The following SERINC1 variants were observed in gnomAD, a reference collection of about 807,000 sequenced individuals.
SERINC1 encodes the protein tumor differentially expressed protein 2.
In SERINC1, 38 loss-of-function variants were observed where a neutral mutation model predicts 52.9. That is an observed-to-expected ratio of 0.72 (90% CI 0.55 to 0.94). The LOEUF (loss-of-function observed/expected upper bound fraction) is 0.94, where lower values mean the gene tolerates loss of function less well. Ranked by LOEUF, SERINC1 falls within the 40% of genes least tolerant of loss-of-function variation. The pLI, the probability that SERINC1 is intolerant of heterozygous loss-of-function variation, is 0.00. For synonymous variants in SERINC1, 198 were observed against 183.1 expected (o/e 1.08, Z -0.66); for missense variants, 471 against 533.9 (o/e 0.88, Z 1.16).
chr6:122,464,891 T>C (rs2114489716), intron 1 of SERINC1, among the ~76,000 whole-genome samples: 1 of 152,294 alleles, frequency 6.6e-6, no homozygotes, highest in African/African-American at 2.4e-5. Flanking sequence ...CCCCAGTCAA[T>C]GTTTCTAGGG....
At chr6:122,464,094 C>G (rs182263908) in intron 1 of SERINC1, among the ~76,000 whole-genome samples, 11 of 152,184 alleles carry the variant, frequency 7.2e-5, no homozygotes, top group East Asian at 5.8e-4. Context: ...TAATATGACA[C>G]TCTAGAAAGG....
At chr6:122,446,688 A>C (rs751668178) in intron 9 of SERINC1, 86 bp downstream of exon 9, 1 of 824,914 alleles carries the variant, frequency 1.2e-6, no homozygotes, top group Non-Finnish European at 2.0e-6. Context: ...GATAAAAAGT[A>C]CTTCATATCA....
chr6:122,452,088 T>C, intron 5 of SERINC1, 31 bp from the exon 6 acceptor site: 1 of 1,358,696 alleles, frequency 7.4e-7, no homozygotes, highest in South Asian at 1.9e-5. Context: ...GATAATTAGC[T>C]TTTTATCAGA....
intron 7 of SERINC1, among the ~76,000 whole-genome samples, chr6:122,447,494 A>AT (rs753922331): frequency 2.6e-5 from 4 of 152,196 alleles, no homozygotes; most frequent in Non-Finnish European, 5.9e-5. Flanking sequence ...AAATCATTTA[A>AT]TTTTCAACAA....
At chr6:122,456,743 G>C in intron 2 of SERINC1, 93 bp from the exon 3 acceptor site, 1 of 926,566 alleles carries the variant, frequency 1.1e-6, no homozygotes, top group Non-Finnish European at 1.6e-6. Context: ...TAAAGGTTTA[G>C]AAAACTGGCA....
chr6:122,445,553 C>T (rs938075262), intron 9 of SERINC1, among the ~76,000 whole-genome samples: 4 of 148,300 alleles, frequency 2.7e-5, no homozygotes, highest in African/African-American at 9.9e-5. Context: ...GATTTCCACT[C>T]CCCCAACCCC....
At chr6:122,454,982 C>T (rs1041414839) in intron 3 of SERINC1, among the ~76,000 whole-genome samples, 3 of 152,180 alleles carry the variant, frequency 2.0e-5, no homozygotes, top group Non-Finnish European at 4.4e-5. Context: ...ATAAGATTTA[C>T]TGACTTCACA....
chr6:122,462,670 C>T (rs1775124746), intron 1 of SERINC1, among the ~76,000 whole-genome samples: 1 of 152,120 alleles, frequency 6.6e-6, no homozygotes, highest in South Asian at 2.1e-4. Flanking sequence ...AGAACTAACT[C>T]ATCGGTTTAA....
At chr6:122,451,776 A>AAAAAAAATTATATATATATATATATAT in intron 6 of SERINC1, 22 bp from the exon 7 acceptor site, 1 of 95,480 alleles carries the variant, frequency 1.0e-5, no homozygotes, top group African/African-American at 7.7e-5. Flanking sequence ...AAAAAAAAAA[A>AAAAAAAATTATATATATATATATATAT]ATATATATAT....
At chr6:122,469,380 GTTT>G (rs11300483) in intron 1 of SERINC1, among the ~76,000 whole-genome samples, 1 of 139,106 alleles carries the variant, frequency 7.2e-6, no homozygotes. Flanking sequence ...TTTTGTTTTT[GTTT>G]TTTTTTTTTT....
rs1582631499 is a variant in SERINC1 at position 122,451,773 on chromosome 6, A to AT, written c.760-20_760-19insA. Reference sequence around the variant, plus strand: ...GTGATTCCTACAAAAAAAAAAAAAAAAAAATATATATATATATATATAGCA... The same window carrying AT: ...GTGATTCCTACAAAAAAAAAAAAAAATAAAATATATATATATATATATAGCA... On this transcript the variant is annotated intron_variant, in intron 6 of 9. Transcript: ENST00000339697. The AT allele has an allele frequency of 5.8e-4, 175 of 299,186 alleles. No individual in the cohort carries two copies. Among genetic ancestry groups the AT allele is most frequent in the East Asian group, 5.2e-3 (44 of 8,382 alleles). 18.5% of individuals were successfully genotyped at this position (299,186 alleles called of 1,614,324 possible). A position where few individuals can be genotyped will look rare whatever the true frequency, so the allele number is the denominator to read the frequency against.
chr6:122,466,161 T>C (rs1413356681), intron 1 of SERINC1, among the ~76,000 whole-genome samples: 2 of 152,094 alleles, frequency 1.3e-5, no homozygotes, highest in South Asian at 2.1e-4. Flanking sequence ...GGAGGCGGAA[T>C]TGCTCGAACT....
chr6:122,454,004 A>G, intron 4 of SERINC1, 97 bp from the exon 5 acceptor site: 1 of 1,377,100 alleles, frequency 7.3e-7, no homozygotes. Context: ...ATAAAATTTT[A>G]TATGAACATC....
In SERINC1 at chr6:122,447,016, A is replaced by G. The variant is rs1197491362; in HGVS notation, c.996-12T>C. 6.3e-7 allele frequency: 1 copy of G among 1,587,498 alleles called. No individual in the cohort carries two copies. Among genetic ancestry groups the G allele is most frequent in the Non-Finnish European group, 8.6e-7 (1 of 1,156,534 alleles). The stretch of plus-strand genomic sequence containing the variant: ...TTGAAGTACGGATGCTGTATGAAAG[A>G]GAGTTTAGGAGGAGAGAAAAAAAAG... On this transcript the variant is annotated splice_polypyrimidine_tract_variant and intron_variant, in intron 8 of 9. Transcript: ENST00000339697.
intron 4 of SERINC1, 52 bp from the exon 5 acceptor site, chr6:122,453,959 A>G: frequency 6.6e-7 from 1 of 1,522,720 alleles, no homozygotes; most frequent in Non-Finnish European, 8.8e-7. Flanking sequence ...GATTTTTATC[A>G]TTTCCTTTCA....
chr6:122,454,152 A>G lies in SERINC1; in HGVS notation c.450T>C (p.Thr150=). ...AACAACTTAAAAAGGATTTCTTACC[A>G]GTTGTAAAAGTTCCTTCTGGAATGA... ...AFFIPEGTFT[T]VWFYVGMAGA... is the part of the protein sequence containing the mutation. The change falls in exon 4 of 10, where the codon ACT becomes ACC. Residue 150 remains threonine, a splice_region_variant and synonymous_variant. Transcript: ENST00000339697. 2 of 1,548,802 alleles carry G rather than the reference A, an allele frequency of 1.3e-6. No individual in the cohort carries two copies. Among genetic ancestry groups the G allele is most frequent in the African/African-American group, 1.4e-5 (1 of 72,546 alleles).
chr6:122,451,772 A>ATATATATATATATATATATATAT lies in SERINC1; in HGVS notation c.760-19_760-18insATATATATATATATATATATATA, dbSNP rs1490435665. ...TGTGATTCCTACAAAAAAAAAAAAA[A>ATATATATATATATATATATATAT]AAAAATATATATATATATATATAGC... is the stretch of plus-strand genomic sequence containing the variant. On this transcript the variant is annotated intron_variant, in intron 6 of 9. Transcript: ENST00000339697. The ATATATATATATATATATATATAT allele has an allele frequency of 4.1e-6, 1 of 246,554 alleles. No homozygotes were observed. Among genetic ancestry groups the ATATATATATATATATATATATAT allele is most frequent in the East Asian group, 1.5e-4 (1 of 6,690 alleles). The allele number at this position is 246,554 out of a possible 1,614,324, so 15.3% of individuals were successfully genotyped here. A position where few individuals can be genotyped will look rare whatever the true frequency, so the allele number is the denominator to read the frequency against.
At position 122,444,864 on chromosome 6, in the gene SERINC1, T is replaced by C; in HGVS notation, c.*180A>G. 1 of 602,380 alleles carries C rather than the reference T, an allele frequency of 1.7e-6. No homozygotes were observed. The highest frequency in any genetic ancestry group is 2.8e-6 in the Non-Finnish European group (1 of 354,124). The allele number at this position is 602,380 out of a possible 1,614,324, so 37.3% of individuals were successfully genotyped here. On this transcript the variant is annotated 3_prime_UTR_variant, in exon 10 of 10. Transcript: ENST00000339697. ...AACTTTCCTCTGCAATTCATTCTAC[T>C]TCACATATCAATGCACTTGGTAAGA...
rs76649838 is a variant in SERINC1 at position 122,465,101 on chromosome 6, T to A, written c.40-6420A>T. 4.0e-3 allele frequency among the ~76,000 whole-genome samples: 613 copies of A among 152,276 alleles called. 1 individual carries two copies. Among genetic ancestry groups the A allele is most frequent in the African/African-American group, 0.014 (576 of 41,556 alleles). ...ACTAGATCTTTTGTTCTAGTTCTTT[T>A]GTTTTGTTCTTCCCAGAACAAATCT... On this transcript the variant is annotated intron_variant, in intron 1 of 9. Coordinates refer to ENST00000339697, the MANE Select transcript of SERINC1 (RefSeq NM_020755.4).
Sources: allele counts gnomAD v4.1 joint callset (sites outside exome capture counted in the v4.1 genomes callset), GRCh38; gene constraint gnomAD v4.1.1; transcripts MANE v1.5; gene names NCBI Gene and HGNC (gene_info 2026-07-23, HGNC 2026-07-21).